ZBP1: variants seen among roughly 807,000 people sequenced by gnomAD.
The protein encoded by ZBP1 is Z-DNA binding protein 1, also known as Z-DNA-binding protein 1.
A neutral mutation model predicts 41.1 loss-of-function variants in ZBP1; 42 were observed. The observed-to-expected ratio is 1.02, with a 90% CI of 0.80 to 1.32. The LOEUF (loss-of-function observed/expected upper bound fraction) is 1.32. Ranked by LOEUF, ZBP1 falls within the 40% of genes most tolerant of loss-of-function variation. The probability of loss-of-function intolerance (pLI) is 0.00; values close to 1 mark genes in which losing one functional copy is unlikely to be tolerated. For missense variants in ZBP1, 562 were observed against 549.7 expected (o/e 1.02, Z -0.22); for synonymous variants, 214 against 205.2 (o/e 1.04, Z -0.37).
chr20:57,608,980 TC>T (rs2070573277), intron 7 of ZBP1, among the ~76,000 whole-genome samples: 1 of 152,216 alleles, frequency 6.6e-6, no homozygotes, highest in African/African-American at 2.4e-5. Flanking sequence ...AATTCTTTTT[TC>T]ACATGGGAGG....
chr20:57,619,131 G>A (rs964280209), intron 1 of ZBP1, among the ~76,000 whole-genome samples: 4 of 152,250 alleles, frequency 2.6e-5, no homozygotes, highest in Non-Finnish European at 2.9e-5. Context: ...GGCTGAGTCC[G>A]GAACCTGCGT....
At chr20:57,614,589 C>T (rs766693655) in intron 4 of ZBP1, among the ~76,000 whole-genome samples, 2 of 152,120 alleles carry the variant, frequency 1.3e-5, no homozygotes, top group Non-Finnish European at 2.9e-5. Context: ...AAAACCATTC[C>T]CAAACTCAGA....
chr20:57,611,737 G>C lies in ZBP1; in HGVS notation c.864C>G (p.Gly288=). Residue 288 remains glycine, a synonymous_variant, in exon 6 of 8, where the codon GGC becomes GGG. Transcript: ENST00000371173. ...PSEGPAHIPP[G]SPPVSATAAG... is the part of the protein sequence containing the mutation. ...CTAGATCCCAGTTACCTGGGGGGCT[G>C]CCAGGGGGGATGTGGGCAGGGCCCT... The C allele has an allele frequency of 6.2e-7, 1 of 1,609,218 alleles. No homozygotes were observed. The highest frequency in any genetic ancestry group is 8.5e-7 in the Non-Finnish European group (1 of 1,178,554).
At position 57,606,364 on chromosome 20, in the gene ZBP1, CAT is replaced by C. The variant is rs143781215; in HGVS notation, c.1094-1597_1094-1596del. 8.4e-3 allele frequency among the ~76,000 whole-genome samples: 1,287 copies of C among 152,336 alleles called. 12 individuals carry two copies. Among genetic ancestry groups the C allele is most frequent in the Middle Eastern group, 0.037 (11 of 294 alleles). ...AGTTGGAAGTGAGCAGAGGTTGGTT[CAT>C]GAGGTTTAAGGAAAGAAACCGTCCC... On this transcript the variant is annotated intron_variant, in intron 7 of 7. Transcript: ENST00000371173.
intron 1 of ZBP1, among the ~76,000 whole-genome samples, chr20:57,618,314 C>T (rs565786677): frequency 6.6e-6 from 1 of 152,336 alleles, no homozygotes; most frequent in South Asian, 2.1e-4. Context: ...TGACTCAGTC[C>T]TTTGTCATCT....
intron 7 of ZBP1, among the ~76,000 whole-genome samples, chr20:57,609,568 C>G (rs536018539): frequency 1.5e-4 from 23 of 152,080 alleles, no homozygotes; most frequent in African/African-American, 5.3e-4. Context: ...TTCAACCCCA[C>G]AGATGAGGAC....
chr20:57,612,271 G>C (rs1425138830), intron 5 of ZBP1, among the ~76,000 whole-genome samples: 1 of 151,988 alleles, frequency 6.6e-6, no homozygotes, highest in Non-Finnish European at 1.5e-5. Flanking sequence ...AGAGCCTCCC[G>C]CAGTGTTTTA....
At chr20:57,609,779 C>A (rs2070600124) in intron 7 of ZBP1, among the ~76,000 whole-genome samples, 5 of 152,136 alleles carry the variant, frequency 3.3e-5, no homozygotes, top group Admixed American at 3.3e-4. Context: ...ATCACCACAA[C>A]AATGATGAGA....
At chr20:57,606,235 C>T (rs1297139613) in intron 7 of ZBP1, among the ~76,000 whole-genome samples, 1 of 152,224 alleles carries the variant, frequency 6.6e-6, no homozygotes, top group African/African-American at 2.4e-5. Context: ...GATAGAGGAT[C>T]GAGCCAGCTA....
chr20:57,616,366 T>G lies in ZBP1; in HGVS notation c.137A>C (p.Asn46Thr). ...CTTTTTCATTCGGTAGAGGACTTGG[T>G]TGAGCTCCCTCTTGGGTGCTTGGCA... Reference protein sequence around the residue: ...KECQAPKRELNQVLYRMKKEL... With the variant: ...KECQAPKRELTQVLYRMKKEL... The change falls in exon 2 of 8, where the codon AAC becomes ACC. Residue 46 changes from asparagine (N) to threonine (T), a missense_variant. By Grantham distance (65) the Asn-to-Thr change is moderately conservative. Coordinates refer to ENST00000371173, the MANE Select transcript of ZBP1 (RefSeq NM_030776.3). 5 of 1,614,202 alleles carry G rather than the reference T, an allele frequency of 3.1e-6. No homozygotes were observed. The highest frequency in any genetic ancestry group is 4.2e-6 in the Non-Finnish European group (5 of 1,180,040).
chr20:57,618,136 G>C (rs749036699), intron 1 of ZBP1: 18 of 152,310 alleles, frequency 1.2e-4, no homozygotes, highest in Non-Finnish European at 2.6e-4. Flanking sequence ...CCAGAGATGA[G>C]GCTGGGGCAG....
At chr20:57,607,199 G>T (rs1396770159) in intron 7 of ZBP1, 3 of 1,303,962 alleles carry the variant, frequency 2.3e-6, no homozygotes, top group Non-Finnish European at 3.0e-6. Flanking sequence ...TGTGATTCAT[G>T]GGAGGAGGTC....
rs766353512 is a variant in ZBP1, at chr20:57,615,073, A to T, written c.329-13T>A. 2.5e-6 allele frequency: 4 copies of T among 1,614,046 alleles called. No homozygotes were observed. In the South Asian group the frequency reaches 4.4e-5, roughly 18 times the overall value. On this transcript the variant is annotated splice_polypyrimidine_tract_variant and intron_variant, in intron 3 of 7. Transcript: ENST00000371173. ...TAGATGTCTTCCTCTGGGAGGCAGG[A>T]TGGCCAGGTGGTTAGGGAGTAGTCC...
At chr20:57,606,351 G>C (rs35590846) in intron 7 of ZBP1, among the ~76,000 whole-genome samples, 9 of 152,190 alleles carry the variant, frequency 5.9e-5, no homozygotes, top group Non-Finnish European at 1.2e-4. Context: ...TTGGAAGTGA[G>C]CAGAGGTTGG....
intron 7 of ZBP1, among the ~76,000 whole-genome samples, chr20:57,605,221 TA>T (rs1198744897): frequency 6.6e-6 from 1 of 152,262 alleles, no homozygotes; most frequent in African/African-American, 2.4e-5. Context: ...GACCTCATTT[TA>T]TCTCACTTTA....
rs140512887 is a variant in ZBP1, at chr20:57,610,169, C to G, written c.1073G>C (p.Gly358Ala). Residue 358 changes from glycine (G) to alanine (A), a missense_variant, in exon 7 of 8, where the codon GGG (glycine) becomes GCG (alanine). By Grantham distance (60) the Gly-to-Ala change is moderately conservative. Coordinates refer to ENST00000371173, the MANE Select transcript of ZBP1 (RefSeq NM_030776.3). The surrounding 1 kb of genome is among the most constrained non-coding windows in gnomAD (Gnocchi z 5.5). ...CTCACCTGCGTCCTCCCCTGGCTCC[C>G]CCTCTCCAGACCCTGCGACTCCTCC... ...GPGGVAGSGE[G>A]EPGEDAGRRP... 1 of 1,613,886 alleles carries G rather than the reference C, an allele frequency of 6.2e-7. No individual in the cohort carries two copies. Among genetic ancestry groups the G allele is most frequent in the Non-Finnish European group, 8.5e-7 (1 of 1,180,012 alleles).
chr20:57,615,370 C>G (rs2070790991), intron 3 of ZBP1, 142 bp downstream of exon 3: 2 of 910,142 alleles, frequency 2.2e-6, no homozygotes, highest in Admixed American at 2.6e-5. Flanking sequence ...GGTCTTGGCT[C>G]TGAACACTGT....
At position 57,613,098 on chromosome 20, in the gene ZBP1, C is replaced by A. The variant is rs541011267; in HGVS notation, c.670+65G>T. ...CCACTCCCCATCCCTACCCTTTGCC[C>A]CCACCCAGAGGATCCGGTGGCTCCC... On this transcript the variant is annotated intron_variant, in intron 5 of 7. Transcript: ENST00000371173. This position sits in a 1 kb window ranked among gnomAD's most constrained non-coding sequence, Gnocchi z 4.5. 4 of 1,601,120 alleles carry A rather than the reference C, an allele frequency of 2.5e-6. No individual in the cohort carries two copies. The highest frequency in any genetic ancestry group is 3.4e-6 in the Non-Finnish European group (4 of 1,173,076).
At chr20:57,616,173 C>G in intron 2 of ZBP1, 71 bp downstream of exon 2, 1 of 1,452,778 alleles carries the variant, frequency 6.9e-7, no homozygotes, top group East Asian at 2.3e-5. Context: ...AACCCAGGCT[C>G]AAATCTGTGC....
Sources: allele counts gnomAD v4.1 joint callset (sites outside exome capture counted in the v4.1 genomes callset), GRCh38; gene constraint gnomAD v4.1.1; non-coding constraint Gnocchi (gnomAD v3.1); transcripts MANE v1.5; gene names NCBI Gene and HGNC (gene_info 2026-07-23, HGNC 2026-07-21).